Variants in PVT1 observed in about 807,000 individuals in gnomAD.
PVT1 encodes the protein Pvt1 oncogene.
intron 5 of PVT1, among the ~76,000 whole-genome samples, chr8:128,079,010 T>C (rs1220953553): frequency 2.4e-4 from 36 of 151,480 alleles, no homozygotes; most frequent in Admixed American, 2.0e-3. Flanking sequence ...TTTTCTTTTT[T>C]TTTTTTTTTT....
chr8:128,081,475 G>T (rs1404566252), intron 5 of PVT1, among the ~76,000 whole-genome samples: 3 of 152,186 alleles, frequency 2.0e-5, no homozygotes, highest in Non-Finnish European at 4.4e-5. Flanking sequence ...ATAGCTATAT[G>T]TTTTTTGCAT....
chr8:127,971,318 A>C (rs1337777596), intron 3 of PVT1, among the ~76,000 whole-genome samples: 2 of 152,148 alleles, frequency 1.3e-5, no homozygotes, highest in South Asian at 4.1e-4. Context: ...CTGCACCCTG[A>C]TCCCCTGCTC....
At chr8:127,964,616 C>G (rs1460372292) in intron 3 of PVT1, among the ~76,000 whole-genome samples, 40 of 152,130 alleles carry the variant, frequency 2.6e-4, no homozygotes, top group Non-Finnish European at 7.4e-5. Context: ...GCGAGGTTGA[C>G]ACCCTCTGAG....
intron 4 of PVT1, among the ~76,000 whole-genome samples, chr8:128,015,226 A>G (rs534544628): frequency 3.3e-5 from 5 of 152,066 alleles, no homozygotes; most frequent in Admixed American, 3.3e-4. Context: ...AGTAACTGGG[A>G]TTGCAGGCGT....
Position 128,075,845 on chromosome 8 carries a change from C to G in PVT1, n.1114+5484C>G, listed in dbSNP as rs79830756. 2.8e-4 allele frequency among the ~76,000 whole-genome samples: 42 copies of G among 152,318 alleles called. 1 individual carries two copies. In the East Asian group the frequency reaches 6.7e-3, roughly 24 times the overall value. On this transcript the variant is annotated intron_variant and non_coding_transcript_variant, in intron 5 of 10. Transcript: ENST00000651587. ...TGGACCAAATACACAAATTATTTAT[C>G]TGCTTTCCCATTCATTATACTTACA...
chr8:127,875,622 C>T (rs73355300), intron 2 of PVT1, among the ~76,000 whole-genome samples: 25 of 152,100 alleles, frequency 1.6e-4, no homozygotes, highest in Admixed American at 4.6e-4. Flanking sequence ...CGTGATATAG[C>T]GTGTACTCCT....
chr8:127,861,023 T>C (rs963297050), intron 2 of PVT1, among the ~76,000 whole-genome samples: 4 of 152,172 alleles, frequency 2.6e-5, no homozygotes, highest in African/African-American at 9.7e-5. Context: ...TGTACTGATA[T>C]CGTGTTGCCT....
intron 2 of PVT1, among the ~76,000 whole-genome samples, chr8:127,799,928 G>A (rs1423187235): frequency 6.6e-6 from 1 of 152,240 alleles, no homozygotes; most frequent in Non-Finnish European, 1.5e-5. Context: ...GCTTATGTAA[G>A]TTAGAAACAG....
chr8:127,900,528 T>C (rs2129823472), intron 3 of PVT1, among the ~76,000 whole-genome samples: 1 of 152,346 alleles, frequency 6.6e-6, no homozygotes, highest in Admixed American at 6.5e-5. Flanking sequence ...ATTTTGTGTG[T>C]TTTTAAATTC....
At chr8:127,987,422 G>A (rs1816982343) in intron 3 of PVT1, among the ~76,000 whole-genome samples, 1 of 152,118 alleles carries the variant, frequency 6.6e-6, no homozygotes, top group African/African-American at 2.4e-5. Flanking sequence ...GGCCCCATGT[G>A]CTGAGTCCCT....
At chr8:127,984,941 CTTT>C in intron 3 of PVT1, among the ~76,000 whole-genome samples, 1 of 140,626 alleles carries the variant, frequency 7.1e-6, no homozygotes, top group African/African-American at 2.7e-5. Flanking sequence ...TTCTTTCTTT[CTTT>C]CCCCTTCCTT....
intron 2 of PVT1, among the ~76,000 whole-genome samples, chr8:127,866,751 G>C (rs971472948): frequency 9.9e-5 from 15 of 152,148 alleles, no homozygotes; most frequent in Admixed American, 8.5e-4. Context: ...AGACCAGACT[G>C]TTATGTATTG....
rs60359946 is a variant in PVT1 at position 127,914,260 on chromosome 8, C to CAAAAA, written n.782+23298_782+23302dup. Among the ~76,000 whole-genome samples the CAAAAA allele has an allele frequency of 7.5e-3, 358 of 47,804 alleles. 42 individuals are homozygous for CAAAAA. The highest frequency in any genetic ancestry group is 0.012 in the Non-Finnish European group (268 of 21,996). The allele number at this position is 47,804 out of a possible 152,430, so 31.4% of individuals were successfully genotyped here. A position where few individuals can be genotyped will look rare whatever the true frequency, so the allele number is the denominator to read the frequency against. On this transcript the variant is annotated intron_variant and non_coding_transcript_variant, in intron 3 of 10. Coordinates refer to ENST00000651587, the Ensembl canonical transcript of PVT1. ...AATTAAACACCACCACCACCAACAG[C>CAAAAA]AAAAAAAAAAAAAAAAAAAAAAAAA...
intron 3 of PVT1, among the ~76,000 whole-genome samples, chr8:127,925,776 G>A (rs1365704406): frequency 1.3e-5 from 2 of 152,002 alleles, no homozygotes; most frequent in African/African-American, 4.8e-5. Flanking sequence ...CAAGTAGCTG[G>A]GACTATAGGC....
intron 4 of PVT1, among the ~76,000 whole-genome samples, chr8:128,016,309 A>G (rs1374186123): frequency 6.7e-6 from 1 of 148,562 alleles, no homozygotes; most frequent in Non-Finnish European, 1.5e-5. Context: ...GATGGTAACC[A>G]TTCTCTGCCA....
chr8:127,941,459 A>G (rs1316279303), intron 3 of PVT1, among the ~76,000 whole-genome samples: 2 of 152,188 alleles, frequency 1.3e-5, no homozygotes, highest in African/African-American at 2.4e-5. Context: ...TGCTGTGATG[A>G]TGAAGTGAAT....
chr8:127,844,371 T>C (rs2129721221), intron 2 of PVT1, among the ~76,000 whole-genome samples: 1 of 152,330 alleles, frequency 6.6e-6, no homozygotes, highest in African/African-American at 2.4e-5. Flanking sequence ...CACCTTTATT[T>C]GTGCATCCGT....
At chr8:127,904,377 G>T (rs532071905) in intron 3 of PVT1, among the ~76,000 whole-genome samples, 28 of 152,348 alleles carry the variant, frequency 1.8e-4, no homozygotes, top group African/African-American at 6.7e-4. Context: ...TGCTGAATTT[G>T]ACTGCCCCTG....
At chr8:127,939,010 C>A (rs1247375378) in intron 3 of PVT1, among the ~76,000 whole-genome samples, 1 of 152,192 alleles carries the variant, frequency 6.6e-6, no homozygotes, top group Non-Finnish European at 1.5e-5. Flanking sequence ...AAGCCTCATT[C>A]TCTTTTGTGG....
Sources: gnomAD v4.1 joint callset for allele counts (sites outside exome capture counted in the v4.1 genomes callset) on GRCh38, gnomAD v4.1.1 for gene constraint, MANE v1.5 for transcripts, NCBI Gene and HGNC (gene_info 2026-07-23, HGNC 2026-07-21) for gene names.